Variants in PPP6C observed in about 807,000 individuals in gnomAD.
The protein encoded by PPP6C is serine/threonine-protein phosphatase 6 catalytic subunit.
PPP6C carries 11 observed loss-of-function variants against 39.8 expected under a neutral mutation model. The ratio of observed to expected loss-of-function variants is 0.28; its 90% CI spans 0.17 to 0.46. The LOEUF is 0.46. PPP6C is among the 20% of genes least tolerant of loss of function. The probability of loss-of-function intolerance (pLI) is 1.00; values close to 1 mark genes in which losing one functional copy is unlikely to be tolerated. For missense variants in PPP6C, 211 were observed against 373.9 expected (o/e 0.56, Z 3.59); for synonymous variants, 129 against 130.3 (o/e 0.99, Z 0.07).
At chr9:125,155,400 T>A (rs1383789926) in intron 4 of PPP6C, among the ~76,000 whole-genome samples, 1 of 152,132 alleles carries the variant, frequency 6.6e-6, no homozygotes, top group Admixed American at 6.6e-5. Context: ...TATATCTACG[T>A]GAAGCAAGAT....
rs566274922 is a variant in PPP6C, at chr9:125,169,454, C to G, written c.171+1631G>C. 2.0e-5 allele frequency among the ~76,000 whole-genome samples: 3 copies of G among 152,330 alleles called. No homozygotes were observed. In the East Asian group the frequency reaches 5.8e-4, roughly 29 times the overall value. The stretch of plus-strand genomic sequence containing the variant: ...CTTTGATCATGGCTGTACTTCACAT[C>G]TTAAAAAGTCTACAACTGGGGGAAA... On this transcript the variant is annotated intron_variant, in intron 2 of 6. Transcript: ENST00000373547.
intron 2 of PPP6C, among the ~76,000 whole-genome samples, chr9:125,170,684 A>AT (rs1467704963): frequency 6.6e-6 from 1 of 152,236 alleles, no homozygotes; most frequent in African/African-American, 2.4e-5. Flanking sequence ...TAAAGAAATG[A>AT]TAAATTTTCA....
chr9:125,146,787 T>C lies in PPP6C; in HGVS notation c.*2886A>G, dbSNP rs752584212. On this transcript the variant is annotated 3_prime_UTR_variant, in exon 7 of 7. Coordinates refer to ENST00000373547, the MANE Select transcript of PPP6C (RefSeq NM_002721.5). Reference sequence around the variant, plus strand: ...TACATTTAAAAATCTGGATTCTTGATGTCAAATCTCTTCGACTCCAGATAC... The same window carrying C: ...TACATTTAAAAATCTGGATTCTTGACGTCAAATCTCTTCGACTCCAGATAC... 2.0e-5 allele frequency: 3 copies of C among 152,202 alleles called. No homozygotes were observed. Among genetic ancestry groups the C allele is most frequent in the Non-Finnish European group, 4.4e-5 (3 of 68,030 alleles). The allele number at this position is 152,202 out of a possible 1,614,324, so 9.4% of individuals were successfully genotyped here.
chr9:125,171,498 T>C (rs1163760505), intron 1 of PPP6C, among the ~76,000 whole-genome samples: 10 of 99,306 alleles, frequency 1.0e-4, no homozygotes, highest in South Asian at 3.2e-4. Flanking sequence ...TATATATATA[T>C]ATATATATAT....
intron 2 of PPP6C, among the ~76,000 whole-genome samples, chr9:125,165,976 T>C (rs759321217): frequency 5.3e-5 from 8 of 151,914 alleles, no homozygotes; most frequent in Non-Finnish European, 7.4e-5. Flanking sequence ...TTTGTATTTT[T>C]AGTAGAGACA....
intron 2 of PPP6C, among the ~76,000 whole-genome samples, chr9:125,161,209 T>C (rs1485566794): frequency 6.6e-6 from 1 of 152,198 alleles, no homozygotes; most frequent in Non-Finnish European, 1.5e-5. Context: ...AATTGTCTAA[T>C]TTCTCAGTAA....
At chr9:125,179,622 T>A (rs944098981) in intron 1 of PPP6C, among the ~76,000 whole-genome samples, 2 of 151,562 alleles carry the variant, frequency 1.3e-5, no homozygotes, top group Admixed American at 6.6e-5. Context: ...GGCTTGGCTA[T>A]CTCTCTTCAT....
At chr9:125,187,486 G>C (rs1467344359) in intron 1 of PPP6C, among the ~76,000 whole-genome samples, 1 of 151,726 alleles carries the variant, frequency 6.6e-6, no homozygotes, top group East Asian at 1.9e-4. Flanking sequence ...GTTTCACCAA[G>C]TCGGTCAGTC....
Position 125,189,742 on chromosome 9 carries a change from ACAGCGGCGGCGGCGGCTGTAGCAG to A in PPP6C, c.-48_-25del, listed in dbSNP as rs760919683. On this transcript the variant is annotated 5_prime_UTR_variant, in exon 1 of 7. Coordinates refer to ENST00000373547, the MANE Select transcript of PPP6C (RefSeq NM_002721.5). ...ATTTTAAGAATAACAAGCCGCGGCAACAGCGGCGGCGGCGGCTGTAGCAGCGGCGGCGGCAGCGGCGGAGGCCGA... is the reference window on the plus strand; with the variant it reads ...ATTTTAAGAATAACAAGCCGCGGCAACGGCGGCGGCAGCGGCGGAGGCCGA... 2.3e-5 allele frequency: 36 copies of A among 1,563,140 alleles called. No individual in the cohort carries two copies. The highest frequency in any genetic ancestry group is 2.8e-5 in the Non-Finnish European group (33 of 1,159,412).
intron 2 of PPP6C, among the ~76,000 whole-genome samples, chr9:125,163,546 T>G (rs907504023): frequency 6.6e-6 from 1 of 152,178 alleles, no homozygotes; most frequent in Non-Finnish European, 1.5e-5. Flanking sequence ...TTCTCCTGCC[T>G]CAGCCTCCCG....
Sources: allele counts gnomAD v4.1 joint callset (sites outside exome capture counted in the v4.1 genomes callset), GRCh38; gene constraint gnomAD v4.1.1; transcripts MANE v1.5; gene names NCBI Gene and HGNC (gene_info 2026-07-23, HGNC 2026-07-21).